SPATA16: variants seen among roughly 807,000 people sequenced by gnomAD.
SPATA16 encodes spermatogenesis-associated protein 16.
In SPATA16, 36 loss-of-function variants were observed where a neutral mutation model predicts 63.3. The ratio of observed to expected loss-of-function variants is 0.57; its 90% CI spans 0.44 to 0.75. The LOEUF is 0.75. Among genes scored for constraint, SPATA16 ranks in the 30% least tolerant of loss-of-function variants. The probability of loss-of-function intolerance (pLI) is 0.00; values close to 1 mark genes in which losing one functional copy is unlikely to be tolerated. For missense variants in SPATA16, 646 were observed against 679.3 expected (o/e 0.95, Z 0.54); for synonymous variants, 203 against 216.7 (o/e 0.94, Z 0.56).
chr3:172,922,122 G>A (rs1477433429), intron 8 of SPATA16, among the ~76,000 whole-genome samples: 1 of 152,168 alleles, frequency 6.6e-6, no homozygotes, highest in East Asian at 1.9e-4. Flanking sequence ...TACCTTTGCA[G>A]CCAATTTTAT....
At chr3:173,074,079 A>G (rs1264856088) in intron 2 of SPATA16, among the ~76,000 whole-genome samples, 3 of 152,106 alleles carry the variant, frequency 2.0e-5, no homozygotes, top group Non-Finnish European at 2.9e-5. Context: ...AATTTCTTCC[A>G]CTTGGAATGG....
At chr3:172,902,764 T>G (rs1049636384) in intron 10 of SPATA16, among the ~76,000 whole-genome samples, 3 of 152,244 alleles carry the variant, frequency 2.0e-5, no homozygotes, top group Non-Finnish European at 4.4e-5. Flanking sequence ...CACATTAGTT[T>G]AATTCAATTT....
intron 4 of SPATA16, among the ~76,000 whole-genome samples, chr3:172,980,195 G>C (rs1043107617): frequency 6.6e-6 from 1 of 152,188 alleles, no homozygotes; most frequent in Non-Finnish European, 1.5e-5. Context: ...GCTTTTCATC[G>C]TGCTGAATTT....
At chr3:172,957,214 A>C (rs1361631159) in intron 5 of SPATA16, among the ~76,000 whole-genome samples, 2 of 152,162 alleles carry the variant, frequency 1.3e-5, no homozygotes, top group Non-Finnish European at 2.9e-5. Context: ...TTTCTTTTAA[A>C]AACTAAAATA....
At chr3:172,970,280 CGTT>C (rs757858277) in intron 5 of SPATA16, among the ~76,000 whole-genome samples, 1 of 152,088 alleles carries the variant, frequency 6.6e-6, no homozygotes, top group Non-Finnish European at 1.5e-5. Context: ...AGGTACTTCT[CGTT>C]GGCCTACATT....
intron 4 of SPATA16, among the ~76,000 whole-genome samples, chr3:172,979,103 G>A (rs1734236240): frequency 6.6e-6 from 1 of 152,104 alleles, no homozygotes; most frequent in Non-Finnish European, 1.5e-5. Flanking sequence ...CACGTGTGGC[G>A]GCGGGCGCCT....
chr3:172,916,630 C>A, intron 8 of SPATA16, 149 bp from the exon 9 acceptor site: 1 of 901,006 alleles, frequency 1.1e-6, no homozygotes, highest in Non-Finnish European at 1.7e-6. Context: ...TACCATTTTA[C>A]AGAATTGTCT....
At chr3:172,912,654 A>G (rs1475014948) in intron 10 of SPATA16, among the ~76,000 whole-genome samples, 1 of 152,112 alleles carries the variant, frequency 6.6e-6, no homozygotes, top group East Asian at 1.9e-4. Flanking sequence ...CTTCATTATG[A>G]TTGTCTTAAT....
chr3:172,925,415 C>A lies in SPATA16; in HGVS notation c.1159G>T (p.Gly387Trp). ...TTTCCATCATCTTTGTTTTTGAACC[C>A]AAGAGTCAAGAGATATTGTTGGGGA... ...FPPQQYLLTL[G>W]FKNKDDGKFL... is the part of the protein sequence containing the mutation. Residue 387 changes from glycine (G) to tryptophan (W), a missense_variant, in exon 7 of 11, where the codon GGG (glycine) becomes TGG (tryptophan). Coordinates refer to ENST00000351008, the MANE Select transcript of SPATA16 (RefSeq NM_031955.6). 1 of 1,613,866 alleles carries A rather than the reference C, an allele frequency of 6.2e-7. No homozygotes were observed. Among genetic ancestry groups the A allele is most frequent in the Non-Finnish European group, 8.5e-7 (1 of 1,179,940 alleles).
chr3:173,026,070 G>A (rs897997634), intron 3 of SPATA16, among the ~76,000 whole-genome samples: 3 of 151,924 alleles, frequency 2.0e-5, no homozygotes, highest in Admixed American at 6.6e-5. Context: ...GCTTTGCATC[G>A]TCGCCAGAAC....
chr3:172,948,206 T>C (rs1412424878), intron 6 of SPATA16, among the ~76,000 whole-genome samples: 4 of 152,032 alleles, frequency 2.6e-5, no homozygotes, highest in African/African-American at 9.7e-5. Context: ...CCAAAGGCCA[T>C]GGATAAATAA....
intron 4 of SPATA16, among the ~76,000 whole-genome samples, chr3:173,014,639 G>T (rs888181845): frequency 6.6e-6 from 1 of 152,188 alleles, no homozygotes; most frequent in African/African-American, 2.4e-5. Context: ...ATGCTCTGAA[G>T]TTATATTAAT....
intron 6 of SPATA16, among the ~76,000 whole-genome samples, chr3:172,955,804 G>T (rs1312445550): frequency 6.6e-6 from 1 of 152,074 alleles, no homozygotes; most frequent in East Asian, 1.9e-4. Flanking sequence ...TCTGGTTATT[G>T]TTTTCTTGTT....
intron 2 of SPATA16, among the ~76,000 whole-genome samples, chr3:173,100,703 C>CAG (rs1256346324): frequency 3.8e-4 from 46 of 120,562 alleles, no homozygotes; most frequent in African/African-American, 1.4e-3. Context: ...CACACACACA[C>CAG]ACACAGAGTA....
At chr3:172,966,615 A>G (rs925279560) in intron 5 of SPATA16, among the ~76,000 whole-genome samples, 2 of 152,218 alleles carry the variant, frequency 1.3e-5, no homozygotes, top group African/African-American at 4.8e-5. Context: ...GGAGAAAATT[A>G]TCATGAAAAA....
Position 172,893,879 on chromosome 3 carries a change from G to A in SPATA16, c.1588-4187C>T, listed in dbSNP as rs115213262. Among the ~76,000 whole-genome samples, 1,099 of 152,352 alleles carry A rather than the reference G, an allele frequency of 7.2e-3. 13 individuals carry two copies. The highest frequency in any genetic ancestry group is 0.025 in the African/African-American group (1,055 of 41,582). ...CATGTAGTCTGAATCAAGGAGAGAG[G>A]ATTAGGTGTGTTTATATGGGTTTGC... is the stretch of plus-strand genomic sequence containing the variant. On this transcript the variant is annotated intron_variant, in intron 10 of 10. Transcript: ENST00000351008.
At chr3:173,108,270 A>G (rs1372683856) in intron 2 of SPATA16, among the ~76,000 whole-genome samples, 2 of 152,174 alleles carry the variant, frequency 1.3e-5, no homozygotes, top group African/African-American at 2.4e-5. Flanking sequence ...GTAGTCATTA[A>G]GTAAGTTAAT....
Position 172,976,950 on chromosome 3 carries a change from TG to T in SPATA16, c.933+17del. 1 of 1,606,054 alleles carries T rather than the reference TG, an allele frequency of 6.2e-7. No individual in the cohort carries two copies. On this transcript the variant is annotated intron_variant, in intron 5 of 10. Coordinates refer to ENST00000351008, the MANE Select transcript of SPATA16 (RefSeq NM_031955.6). Reference sequence around the variant, plus strand: ...ATGAGATGGGTTTCTCCTCCCTAGTTGGGACATCAATTTTTACCTGCCAATA... The same window carrying T: ...ATGAGATGGGTTTCTCCTCCCTAGTTGGACATCAATTTTTACCTGCCAATA...
intron 4 of SPATA16, among the ~76,000 whole-genome samples, chr3:172,995,840 C>G (rs375015794): frequency 6.6e-6 from 1 of 152,062 alleles, no homozygotes; most frequent in East Asian, 1.9e-4. Flanking sequence ...CCCAGCTTCT[C>G]CAGCTTCATC....
Sources: allele counts gnomAD v4.1 joint callset (sites outside exome capture counted in the v4.1 genomes callset), GRCh38; gene constraint gnomAD v4.1.1; transcripts MANE v1.5; gene names NCBI Gene and HGNC (gene_info 2026-07-23, HGNC 2026-07-21).